Variants in ZNF385B observed in about 807,000 individuals in gnomAD.
ZNF385B encodes the protein zinc finger protein 533.
Under a neutral mutation model 39.2 loss-of-function variants are expected in ZNF385B, and 23 were observed. That is an observed-to-expected ratio of 0.59 (90% CI 0.42 to 0.83). The LOEUF is 0.83. Ranked by LOEUF, ZNF385B falls within the 40% of genes least tolerant of loss-of-function variation. ZNF385B has a pLI of 0.00. For missense variants in ZNF385B, 552 were observed against 598.9 expected, an observed-to-expected ratio of 0.92 and a Z score of 0.82; for synonymous variants, 205 against 222.6, an observed-to-expected ratio of 0.92 and a Z score of 0.70.
chr2:179,686,399 T>G (rs752679812), intron 3 of ZNF385B, among the ~76,000 whole-genome samples: 1 of 152,148 alleles, frequency 6.6e-6, no homozygotes, highest in Non-Finnish European at 1.5e-5. Context: ...GTTATAAAAA[T>G]TCAATAAAAT....
At chr2:179,598,910 T>C (rs1325858737) in intron 3 of ZNF385B, among the ~76,000 whole-genome samples, 1 of 152,196 alleles carries the variant, frequency 6.6e-6, no homozygotes, top group Non-Finnish European at 1.5e-5. Flanking sequence ...ATTCTTTTAA[T>C]AAATTAGTGG....
At chr2:179,718,277 T>G (rs1700458972) in intron 3 of ZNF385B, among the ~76,000 whole-genome samples, 1 of 151,054 alleles carries the variant, frequency 6.6e-6, no homozygotes, top group Non-Finnish European at 1.5e-5. Context: ...GTGAGAATTT[T>G]AAATACTGGG....
At chr2:179,830,216 A>G (rs1435099048) in intron 1 of ZNF385B, among the ~76,000 whole-genome samples, 1 of 152,204 alleles carries the variant, frequency 6.6e-6, no homozygotes, top group Admixed American at 6.5e-5. Context: ...TGGCTAAAAA[A>G]CTGACCATAC....
chr2:179,496,841 G>T (rs2056268256), intron 5 of ZNF385B, among the ~76,000 whole-genome samples: 1 of 152,212 alleles, frequency 6.6e-6, no homozygotes, highest in South Asian at 2.1e-4. Flanking sequence ...TTGAGGCCAG[G>T]TGTTCGAGAC....
At chr2:179,683,190 C>T (rs1387015930) in intron 3 of ZNF385B, among the ~76,000 whole-genome samples, 2 of 151,258 alleles carry the variant, frequency 1.3e-5, no homozygotes, top group African/African-American at 4.8e-5. Flanking sequence ...GAGTTCGAAA[C>T]CAGCCTGGCC....
At chr2:179,608,437 C>A (rs1244610392) in intron 3 of ZNF385B, among the ~76,000 whole-genome samples, 1 of 152,064 alleles carries the variant, frequency 6.6e-6, no homozygotes, top group African/African-American at 2.4e-5. Context: ...CAGAACAAAC[C>A]CACCTGCTGA....
At chr2:179,747,855 C>T (rs1469968450) in intron 3 of ZNF385B, among the ~76,000 whole-genome samples, 1 of 152,060 alleles carries the variant, frequency 6.6e-6, no homozygotes, top group Non-Finnish European at 1.5e-5. Flanking sequence ...TATAATCAGA[C>T]ACATTAACAT....
At chr2:179,798,128 G>A (rs1705792610) in intron 1 of ZNF385B, among the ~76,000 whole-genome samples, 1 of 151,694 alleles carries the variant, frequency 6.6e-6, no homozygotes, top group Non-Finnish European at 1.5e-5. Flanking sequence ...TATCTCATGT[G>A]TTTCGATCTA....
chr2:179,715,023 A>C (rs890570832), intron 3 of ZNF385B, among the ~76,000 whole-genome samples: 1 of 150,930 alleles, frequency 6.6e-6, no homozygotes, highest in African/African-American at 2.4e-5. Flanking sequence ...TCTGTCAAAA[A>C]TTTTCCTGTT....
chr2:179,501,217 A>G (rs2056727623), intron 5 of ZNF385B, among the ~76,000 whole-genome samples: 1 of 152,190 alleles, frequency 6.6e-6, no homozygotes, highest in Non-Finnish European at 1.5e-5. Flanking sequence ...CTACCACATG[A>G]TCCAGCAATC....
At chr2:179,826,260 T>C (rs1707677849) in intron 1 of ZNF385B, among the ~76,000 whole-genome samples, 1 of 151,246 alleles carries the variant, frequency 6.6e-6, no homozygotes, top group Non-Finnish European at 1.5e-5. Context: ...AGGGGAGGAG[T>C]ATTTTAACAA....
rs183502862 is a variant in ZNF385B at position 179,517,305 on chromosome 2, T to G, written c.552+1223A>C. On this transcript the variant is annotated intron_variant, in intron 5 of 9. Coordinates refer to ENST00000410066, the MANE Select transcript of ZNF385B (RefSeq NM_152520.6). ...AAACATTTTGAGATTTTGATCAGGA[T>G]TGTGCTGGATCTATAGATCAATTGG... Among the ~76,000 whole-genome samples the G allele has an allele frequency of 8.6e-5, 13 of 151,998 alleles. No homozygotes were observed. The East Asian group carries it at 2.5e-3, about 29-fold the overall frequency.
At chr2:179,830,472 A>G (rs1707922464) in intron 1 of ZNF385B, among the ~76,000 whole-genome samples, 1 of 152,226 alleles carries the variant, frequency 6.6e-6, no homozygotes, top group African/African-American at 2.4e-5. Context: ...CTTGAAAGCA[A>G]CCTAGATGTC....
chr2:179,693,491 G>C (rs1469509339), intron 3 of ZNF385B, among the ~76,000 whole-genome samples: 2 of 152,040 alleles, frequency 1.3e-5, no homozygotes, highest in African/African-American at 2.4e-5. Flanking sequence ...AAAATGGAGA[G>C]AATAATGCAA....
At chr2:179,837,436 T>A (rs1314952338) in intron 1 of ZNF385B, among the ~76,000 whole-genome samples, 1 of 152,234 alleles carries the variant, frequency 6.6e-6, no homozygotes, top group Non-Finnish European at 1.5e-5. Flanking sequence ...TGTTAGTTAG[T>A]ATTTATATAG....
At chr2:179,754,232 C>T (rs1445670348) in intron 3 of ZNF385B, among the ~76,000 whole-genome samples, 1 of 152,248 alleles carries the variant, frequency 6.6e-6, no homozygotes, top group East Asian at 1.9e-4. Context: ...TGCTGTATTA[C>T]ATTTATTGAT....
At chr2:179,664,119 T>C (rs1694853314) in intron 3 of ZNF385B, among the ~76,000 whole-genome samples, 1 of 146,818 alleles carries the variant, frequency 6.8e-6, no homozygotes, top group Non-Finnish European at 1.5e-5. Flanking sequence ...TTTTTTTTTT[T>C]CCTTCAGGGG....
intron 3 of ZNF385B, among the ~76,000 whole-genome samples, chr2:179,712,196 T>C (rs1198714077): frequency 6.6e-6 from 1 of 152,214 alleles, no homozygotes; most frequent in African/African-American, 2.4e-5. Context: ...GATAAAATTA[T>C]GCTTTCTCCC....
intron 5 of ZNF385B, among the ~76,000 whole-genome samples, chr2:179,512,797 T>C (rs1282497120): frequency 6.6e-6 from 1 of 152,204 alleles, no homozygotes; most frequent in Non-Finnish European, 1.5e-5. Flanking sequence ...CTGCAATGCC[T>C]GCTCCCTGGC....
Sources: allele counts gnomAD v4.1 joint callset (sites outside exome capture counted in the v4.1 genomes callset), GRCh38; gene constraint gnomAD v4.1.1; transcripts MANE v1.5; gene names NCBI Gene and HGNC (gene_info 2026-07-23, HGNC 2026-07-21).